ASB1: variants seen among roughly 807,000 people sequenced by gnomAD.
ASB1 encodes ankyrin repeat and SOCS box containing 1, also known as ankyrin repeat and SOCS box protein 1.
Under a neutral mutation model 27.7 loss-of-function variants are expected in ASB1, and 18 were observed. That is an observed-to-expected ratio of 0.65 (90% CI 0.45 to 0.96). ASB1 has a LOEUF of 0.96. Among genes scored for constraint, ASB1 ranks in the 50% least tolerant of loss-of-function variants. The pLI is 0.00. For synonymous variants in ASB1, 189 were observed against 187.6 expected, an observed-to-expected ratio of 1.01 and a Z score of -0.06; for missense variants, 397 against 451.7, an observed-to-expected ratio of 0.88 and a Z score of 1.10.
intron 2 of ASB1, 120 bp from the exon 3 acceptor site, chr2:238,435,591 A>C: frequency 9.7e-7 from 1 of 1,025,994 alleles, no homozygotes. Context: ...GGCAGAGCCC[A>C]GGTGGAGGCG....
chr2:238,438,903 C>G (rs503835), intron 3 of ASB1, among the ~76,000 whole-genome samples: 118,632 of 152,212 alleles, frequency 0.78, 46,489 homozygotes, highest in African/African-American at 0.82. Context: ...TCTCCCAGTG[C>G]TTCCTTGCCA....
intron 3 of ASB1, among the ~76,000 whole-genome samples, chr2:238,437,494 T>C (rs1039765300): frequency 3.3e-5 from 5 of 152,104 alleles, no homozygotes; most frequent in African/African-American, 1.2e-4. Flanking sequence ...CCTCCCAAAG[T>C]GCTGGTATTA....
chr2:238,444,922 G>A (rs2106410371), intron 4 of ASB1, among the ~76,000 whole-genome samples, 195 bp downstream of exon 4: 1 of 151,804 alleles, frequency 6.6e-6, no homozygotes, highest in Non-Finnish European at 1.5e-5. Context: ...CTGATATCAG[G>A]GAATCTCTAA....
chr2:238,427,211 C>G (rs1429185640), intron 1 of ASB1, 92 bp downstream of exon 1: 1 of 987,226 alleles, frequency 1.0e-6, no homozygotes, highest in African/African-American at 1.7e-5. Flanking sequence ...GTCCTCGTCC[C>G]GGGCTGGCCG....
At chr2:238,441,151 T>TG (rs2106408124) in intron 3 of ASB1, among the ~76,000 whole-genome samples, 1 of 152,116 alleles carries the variant, frequency 6.6e-6, no homozygotes, top group Admixed American at 6.5e-5. Context: ...TTTTTTTTTT[T>TG]TTTGAGATGG....
chr2:238,427,588 C>G (rs933504291), intron 1 of ASB1: 1 of 155,106 alleles, frequency 6.4e-6, no homozygotes, highest in African/African-American at 2.4e-5. Context: ...AGGCACAGAC[C>G]AGGGACAACG....
At chr2:238,443,759 A>G (rs371593716) in intron 3 of ASB1, among the ~76,000 whole-genome samples, 1 of 146,540 alleles carries the variant, frequency 6.8e-6, no homozygotes, top group African/African-American at 2.6e-5. Flanking sequence ...TTTTTTCTGC[A>G]TCTGCAGAGA....
chr2:238,427,156 G>GGGGATGGCGAA lies in ASB1; in HGVS notation c.49+41_49+51dup, dbSNP rs1701773135. On this transcript the variant is annotated intron_variant, in intron 1 of 4. Coordinates refer to ENST00000264607, the MANE Select transcript of ASB1 (RefSeq NM_001040445.3). Reference sequence around the variant, plus strand: ...GCGGCCACTGGGCCGCGGGGCGTGTGGGGATGGCGAAGGGCTGGCTCCGGC... The same window carrying GGGGATGGCGAA: ...GCGGCCACTGGGCCGCGGGGCGTGTGGGGATGGCGAAGGGATGGCGAAGGGCTGGCTCCGGC... The GGGGATGGCGAA allele has an allele frequency of 7.3e-6, 9 of 1,228,552 alleles. No homozygotes were observed. In the South Asian group the frequency reaches 2.8e-4, roughly 39 times the overall value. The allele number at this position is 1,228,552 out of a possible 1,614,324, so 76.1% of individuals were successfully genotyped here.
chr2:238,430,817 T>C (rs934950709), intron 1 of ASB1, among the ~76,000 whole-genome samples: 1 of 152,194 alleles, frequency 6.6e-6, no homozygotes, highest in Non-Finnish European at 1.5e-5. Flanking sequence ...CTTCGGTGAC[T>C]AGGCATATTG....
chr2:238,445,541 G>A (rs1275905982), intron 4 of ASB1, among the ~76,000 whole-genome samples: 4 of 152,268 alleles, frequency 2.6e-5, no homozygotes, highest in East Asian at 3.9e-4. Context: ...TGCATCAATA[G>A]CACCAGAGAT....
At chr2:238,439,274 T>C (rs184752404) in intron 3 of ASB1, among the ~76,000 whole-genome samples, 7 of 151,880 alleles carry the variant, frequency 4.6e-5, no homozygotes, top group Admixed American at 3.9e-4. Context: ...GTCATGTGAG[T>C]GTGTTGGTTG....
chr2:238,435,358 G>T (rs1027880646), intron 2 of ASB1: 1 of 268,800 alleles, frequency 3.7e-6, no homozygotes, highest in South Asian at 4.9e-5. Context: ...ACTCCCGGGC[G>T]AGTGCGCTGT....
Position 238,451,840 on chromosome 2 carries a change from TTTTTC to T in ASB1, c.*5333_*5337del, listed in dbSNP as rs1359006612. ...ATTCGCATTTCAAGAAGGGAGTTCT[TTTTTC>T]TTTCTTCTTTCTATGGAACGTTTCA... On this transcript the variant is annotated 3_prime_UTR_variant, in exon 5 of 5. Coordinates refer to ENST00000264607, the MANE Select transcript of ASB1 (RefSeq NM_001040445.3). 6.6e-6 allele frequency: 1 copy of T among 152,580 alleles called. No homozygotes were observed. Among genetic ancestry groups the T allele is most frequent in the Non-Finnish European group, 1.5e-5 (1 of 68,014 alleles). The allele number at this position is 152,580 out of a possible 1,614,324, so 9.5% of individuals were successfully genotyped here.
chr2:238,438,199 ATTTTTT>A (rs57391955), intron 3 of ASB1, among the ~76,000 whole-genome samples: 5 of 98,198 alleles, frequency 5.1e-5, no homozygotes, highest in African/African-American at 8.2e-5. Context: ...GATGCCCTTC[ATTTTTT>A]TTTTTTTTTT....
rs1256101666 is a variant in ASB1 at position 238,450,447 on chromosome 2, T to C, written c.*3936T>C. 1.3e-5 allele frequency: 2 copies of C among 152,256 alleles called. No homozygotes were observed. Among genetic ancestry groups the C allele is most frequent in the Admixed American group, 6.5e-5 (1 of 15,294 alleles). 9.4% of individuals were successfully genotyped at this position (152,256 alleles called of 1,614,324 possible). A position where few individuals can be genotyped will look rare whatever the true frequency, so the allele number is the denominator to read the frequency against. On this transcript the variant is annotated 3_prime_UTR_variant, in exon 5 of 5. Coordinates refer to ENST00000264607, the MANE Select transcript of ASB1 (RefSeq NM_001040445.3). ...AAATGCTCTTGGTTGCAAAACAAAA[T>C]GTTGGTTGCTGTTTGTCAGCCCCAG...
intron 3 of ASB1, among the ~76,000 whole-genome samples, chr2:238,437,994 C>G (rs1702004443): frequency 6.6e-6 from 1 of 152,066 alleles, no homozygotes; most frequent in Non-Finnish European, 1.5e-5. Context: ...GATTTCTAAC[C>G]TGATTATCTA....
intron 3 of ASB1, 22 bp from the exon 4 acceptor site, chr2:238,444,320 A>G: frequency 1.3e-6 from 2 of 1,584,788 alleles, no homozygotes; most frequent in Non-Finnish European, 8.6e-7. Context: ...GCACAGTCTG[A>G]CTTTCCCTTT....
rs569233993 is a variant in ASB1, at chr2:238,427,174, G to C, written c.49+55G>C. 1.1e-5 allele frequency: 13 copies of C among 1,188,958 alleles called. No homozygotes were observed. In the Admixed American group the frequency reaches 1.7e-4, roughly 16 times the overall value. The allele number at this position is 1,188,958 out of a possible 1,614,324, so 73.7% of individuals were successfully genotyped here. Reference sequence around the variant, plus strand: ...GGCGTGTGGGGATGGCGAAGGGCTGGCTCCGGCGTCCCTGCCGAGGTCCTG... The same window carrying C: ...GGCGTGTGGGGATGGCGAAGGGCTGCCTCCGGCGTCCCTGCCGAGGTCCTG... On this transcript the variant is annotated intron_variant, in intron 1 of 4. Transcript: ENST00000264607.
intron 3 of ASB1, 126 bp downstream of exon 3, chr2:238,436,139 G>C (rs1291365230): frequency 2.3e-6 from 2 of 866,462 alleles, no homozygotes; most frequent in Non-Finnish European, 3.3e-6. Context: ...CCTTTGTAAA[G>C]AGCTGCCTCT....
Sources: allele counts gnomAD v4.1 joint callset (sites outside exome capture counted in the v4.1 genomes callset), GRCh38; gene constraint gnomAD v4.1.1; transcripts MANE v1.5; gene names NCBI Gene and HGNC (gene_info 2026-07-23, HGNC 2026-07-21).